The following NAE1 variants were observed in gnomAD, a reference collection of about 807,000 sequenced individuals.
NAE1 encodes the protein NEDD8-activating enzyme E1 regulatory subunit.
Under a neutral mutation model 88.0 loss-of-function variants are expected in NAE1, and 59 were observed. The ratio of observed to expected loss-of-function variants is 0.67; its 90% CI spans 0.54 to 0.83. The LOEUF (loss-of-function observed/expected upper bound fraction) is 0.83, where lower values mean the gene tolerates loss of function less well. Ranked by LOEUF, NAE1 falls within the 40% of genes least tolerant of loss-of-function variation. The pLI is 0.00. For synonymous variants in NAE1, 186 were observed against 208.9 expected (o/e 0.89, Z 0.95); for missense variants, 554 against 632.8 (o/e 0.88, Z 1.34).
chr16:66,814,706 T>C (rs576393182), intron 11 of NAE1, among the ~76,000 whole-genome samples: 4 of 152,144 alleles, frequency 2.6e-5, no homozygotes, highest in Non-Finnish European at 5.9e-5. Context: ...TCTCTCTGCT[T>C]CCACTCCCAG....
At chr16:66,825,581 C>G (rs1960435739) in intron 3 of NAE1, among the ~76,000 whole-genome samples, 1 of 152,052 alleles carries the variant, frequency 6.6e-6, no homozygotes, top group African/African-American at 2.4e-5. Flanking sequence ...ATTTCCCAAA[C>G]TAATTTCACT....
intron 13 of NAE1, among the ~76,000 whole-genome samples, chr16:66,812,032 A>G (rs1028902526): frequency 6.6e-6 from 1 of 152,212 alleles, no homozygotes; most frequent in African/African-American, 2.4e-5. Context: ...GTGATAGTCT[A>G]TCTGGGTTCA....
Position 66,826,728 on chromosome 16 carries a change from T to C in NAE1, c.106A>G (p.Ile36Val), listed in dbSNP as rs1643061860. 6.2e-7 allele frequency: 1 copy of C among 1,614,162 alleles called. No individual in the cohort carries two copies. Among genetic ancestry groups the C allele is most frequent in the Non-Finnish European group, 8.5e-7 (1 of 1,180,030 alleles). ...TCAGTTCCTGTGGCTGTTGCATTTATTAGGCAAACATGAGCAGATTCTAAA... is the reference window on the plus strand; with the variant it reads ...TCAGTTCCTGTGGCTGTTGCATTTACTAGGCAAACATGAGCAGATTCTAAA... ...EALESAHVCL[I>V]NATATGTEIL... The change falls in exon 2 of 20, where the codon ATA (isoleucine) becomes GTA (valine). Residue 36 changes from isoleucine (I) to valine (V), a missense_variant. Physicochemically the swap from Ile to Val is conservative, Grantham distance 29 (BLOSUM62 3). Transcript: ENST00000290810.
rs780044805 is a variant in NAE1 at position 66,809,116 on chromosome 16, T to C, written c.1151-41A>G. 6 of 1,453,300 alleles carry C rather than the reference T, an allele frequency of 4.1e-6. No individual in the cohort carries two copies. The Admixed American group carries it at 1.0e-4, about 25-fold the overall frequency. The allele number at this position is 1,453,300 out of a possible 1,614,324, so 90.0% of individuals were successfully genotyped here. A position where few individuals can be genotyped will look rare whatever the true frequency, so the allele number is the denominator to read the frequency against. The stretch of plus-strand genomic sequence containing the variant: ...ATATTCTGGAAGTAATGACTGTGAC[T>C]GGTGAATATTATGAATCACAGGTGA... On this transcript the variant is annotated intron_variant, in intron 15 of 19. Transcript: ENST00000290810.
chr16:66,813,420 C>T, intron 13 of NAE1, 144 bp downstream of exon 13: 1 of 998,874 alleles, frequency 1.0e-6, no homozygotes, highest in Non-Finnish European at 1.4e-6. Context: ...GGATTACAGG[C>T]ATGAGCCACT....
At chr16:66,819,707 A>G (rs917343707) in intron 7 of NAE1, among the ~76,000 whole-genome samples, 1 of 152,352 alleles carries the variant, frequency 6.6e-6, no homozygotes. Flanking sequence ...TCAGTTCTCA[A>G]AAAGTTTTGC....
chr16:66,828,672 T>C (rs1425545629), intron 1 of NAE1, among the ~76,000 whole-genome samples: 1 of 151,124 alleles, frequency 6.6e-6, no homozygotes, highest in Admixed American at 6.6e-5. Flanking sequence ...GGTAACATAC[T>C]GAGACCCACC....
intron 11 of NAE1, 54 bp from the exon 12 acceptor site, chr16:66,813,900 T>C (rs1329792679): frequency 6.6e-7 from 1 of 1,506,960 alleles, no homozygotes; most frequent in Non-Finnish European, 9.1e-7. Context: ...TTCGCCCATC[T>C]TTATTTTCAG....
intron 17 of NAE1, among the ~76,000 whole-genome samples, chr16:66,808,153 A>G (rs1447715903): frequency 6.6e-6 from 1 of 152,038 alleles, no homozygotes; most frequent in East Asian, 1.9e-4. Flanking sequence ...CAGTCTCCCA[A>G]AGTGCTGGCA....
In NAE1 at chr16:66,810,374, A is replaced by C; in HGVS notation, c.1150T>G (p.Cys384Gly). The part of the protein sequence containing the change: ...SISEKELKLL[C>G]SNSAFLRVVR... Reference sequence around the variant, plus strand: ...AGGAAATTAATTCAAGGGGACTTACAGAGTAATTTTAATTCTTTCTCTGAA... The same window carrying C: ...AGGAAATTAATTCAAGGGGACTTACCGAGTAATTTTAATTCTTTCTCTGAA... Residue 384 changes from cysteine to glycine, a missense_variant and splice_region_variant, in exon 15 of 20, where the codon TGC (cysteine) becomes GGC (glycine). By Grantham distance (159) the Cys-to-Gly change is radical. Transcript: ENST00000290810. 1.3e-6 allele frequency: 2 copies of C among 1,592,014 alleles called. No homozygotes were observed. The highest frequency in any genetic ancestry group is 1.7e-6 in the Non-Finnish European group (2 of 1,161,332).
Position 66,830,934 on chromosome 16 carries a change from C to G in NAE1, c.-35G>C, listed in dbSNP as rs1057300679. 3 of 1,499,662 alleles carry G rather than the reference C, an allele frequency of 2.0e-6. No individual in the cohort carries two copies. The African/African-American group carries it at 4.4e-5, about 22-fold the overall frequency. 92.9% of individuals were successfully genotyped at this position (1,499,662 alleles called of 1,614,324 possible). On this transcript the variant is annotated 5_prime_UTR_variant, in exon 1 of 20. Transcript: ENST00000290810. ...TGCCGCGCGGAAAACAGCCGAGCCC[C>G]TGCGGAGCGCCGCCACCAGCTCCAC...
Position 66,813,626 on chromosome 16 carries a change from A to T in NAE1, c.972T>A (p.Pro324=). The T allele has an allele frequency of 6.2e-7, 1 of 1,614,108 alleles. No individual in the cohort carries two copies. Among genetic ancestry groups the T allele is most frequent in the Non-Finnish European group, 8.5e-7 (1 of 1,179,972 alleles). The part of the protein sequence containing the change: ...FVAKEGQGNL[P]VRGTIPDMIA... ...TCATATCAGGAATTGTGCCTCGAAC[A>T]GGTAAATTTCCTTGACCCTCTTTGG... Residue 324 remains proline, a synonymous_variant, in exon 13 of 20, where the codon CCT becomes CCA. Coordinates refer to ENST00000290810, the MANE Select transcript of NAE1 (RefSeq NM_003905.4).
At chr16:66,812,554 T>C (rs1959848814) in intron 13 of NAE1, among the ~76,000 whole-genome samples, 1 of 146,898 alleles carries the variant, frequency 6.8e-6, no homozygotes, top group Non-Finnish European at 1.5e-5. Context: ...ACTCTTGCTC[T>C]GTCTCCAGGC....
At position 66,826,766 on chromosome 16, in the gene NAE1, T is replaced by C. The variant is rs752150740; in HGVS notation, c.68A>G (p.His23Arg). 4 of 1,613,356 alleles carry C rather than the reference T, an allele frequency of 2.5e-6. No homozygotes were observed. The highest frequency in any genetic ancestry group is 2.2e-5 in the South Asian group (2 of 90,904). Reference sequence around the variant, plus strand: ...AGCAGATTCTAAAGCCTCTTGCCCATGATCACCCCACAACCTACAAAACAG... The same window carrying C: ...AGCAGATTCTAAAGCCTCTTGCCCACGATCACCCCACAACCTACAAAACAG... ...YDRQLRLWGD[H>R]GQEALESAHV... is the part of the protein sequence containing the mutation. The change falls in exon 2 of 20, where the codon CAT becomes CGT. Residue 23 changes from histidine to arginine, a missense_variant. His to Arg is a conservative substitution (Grantham distance 29, BLOSUM62 0). Transcript: ENST00000290810.
intron 6 of NAE1, 90 bp downstream of exon 6, chr16:66,823,137 A>T: frequency 1.5e-6 from 1 of 660,762 alleles, no homozygotes; most frequent in Non-Finnish European, 2.3e-6. Context: ...AACAATTTTT[A>T]AAACCATATC....
chr16:66,818,417 C>T, intron 8 of NAE1, 111 bp downstream of exon 8: 1 of 742,452 alleles, frequency 1.3e-6, no homozygotes. Context: ...ATCGGGATGA[C>T]AGGAATATGG....
At chr16:66,807,196 C>T (rs950960681) in intron 17 of NAE1, among the ~76,000 whole-genome samples, 2 of 152,202 alleles carry the variant, frequency 1.3e-5, no homozygotes, top group African/African-American at 4.8e-5. Flanking sequence ...CACAAAATCA[C>T]GACACTATTT....
At chr16:66,807,354 ACT>A (rs1418959430) in intron 17 of NAE1, among the ~76,000 whole-genome samples, 3 of 152,014 alleles carry the variant, frequency 2.0e-5, no homozygotes, top group African/African-American at 7.2e-5. Flanking sequence ...AGGACTATAA[ACT>A]CTGGGCAGCG....
chr16:66,804,874 C>T (rs1314199627), intron 19 of NAE1, among the ~76,000 whole-genome samples: 1 of 151,990 alleles, frequency 6.6e-6, no homozygotes, highest in Non-Finnish European at 1.5e-5. Flanking sequence ...GAAATGGGCG[C>T]TCACCAGACC....
Sources: allele counts gnomAD v4.1 joint callset (sites outside exome capture counted in the v4.1 genomes callset), GRCh38; gene constraint gnomAD v4.1.1; transcripts MANE v1.5; gene names NCBI Gene and HGNC (gene_info 2026-07-23, HGNC 2026-07-21).